The following APC variants were observed in gnomAD, a reference collection of about 807,000 sequenced individuals.
APC encodes the protein adenomatous polyposis coli protein.
Under a neutral mutation model 247.0 loss-of-function variants are expected in APC, and 72 were observed. The observed-to-expected ratio is 0.29, with a 90% confidence interval of 0.24 to 0.35. APC has a LOEUF of 0.35. Among genes scored for constraint, APC ranks in the 10% least tolerant of loss-of-function variants. APC has a pLI of 1.00. For missense variants in APC, 3,400 were observed against 3,360.7 expected (o/e 1.01, Z -0.29); for synonymous variants, 1,254 against 1,162.5 (o/e 1.08, Z -1.60).
intron 1 of APC, among the ~76,000 whole-genome samples, chr5:112,726,762 G>C (rs1184324789): frequency 6.6e-6 from 1 of 152,056 alleles, no homozygotes; most frequent in African/African-American, 2.4e-5. Context: ...AAACCTTTCT[G>C]CTTGTATAAA....
rs773952596 is a variant in APC at position 112,767,344 on chromosome 5, G to T, written c.376G>T (p.Gly126Ter). ...GSFPRRGFVN[G>*]SRESTGYLEE... ...ATTTCCAAGAAGAGGGTTTGTAAAT[G>T]GAAGCAGAGAAAGTACTGGATATTT... Residue 126 changes from glycine to a stop codon, truncating the protein, a stop_gained, in exon 4 of 16, where the codon GGA becomes TGA. Coordinates refer to ENST00000257430, the MANE Select transcript of APC (RefSeq NM_000038.6). LOFTEE classifies it high-confidence loss of function. 3.1e-6 allele frequency: 5 copies of T among 1,614,098 alleles called. No homozygotes were observed. The Admixed American group carries it at 8.3e-5, about 27-fold the overall frequency.
intron 6 of APC, among the ~76,000 whole-genome samples, chr5:112,789,668 A>C (rs993285536): frequency 2.6e-5 from 4 of 152,184 alleles, no homozygotes; most frequent in Admixed American, 6.5e-5. Flanking sequence ...GGAAACAATC[A>C]AATTTAGAAA....
intron 1 of APC, among the ~76,000 whole-genome samples, chr5:112,744,390 G>A (rs1283980376): frequency 6.6e-6 from 1 of 152,080 alleles, no homozygotes; most frequent in Non-Finnish European, 1.5e-5. Context: ...CTTTTATATG[G>A]CTGTCGCTGA....
chr5:112,842,239 G>T lies in APC; in HGVS notation c.6645G>T (p.Gln2215His), dbSNP rs951673309. The change falls in exon 16 of 16, where the codon CAG becomes CAT. Residue 2215 changes from glutamine (Q) to histidine (H), a missense_variant. Physicochemically the swap from Gln to His is conservative, Grantham distance 24 (BLOSUM62 0). Around this residue, in one of 9 missense-constraint regions of APC, gnomAD observed 1,788 missense variants for 1,649.5 expected, o/e 1.08. Coordinates refer to ENST00000257430, the MANE Select transcript of APC (RefSeq NM_000038.6). ...SNSEISGQMK[Q>H]PLQANMPSIS... Reference sequence around the variant, plus strand: ...CAGAAATTTCAGGCCAAATGAAACAGCCCCTTCAAGCAAACATGCCTTCAA... The same window carrying T: ...CAGAAATTTCAGGCCAAATGAAACATCCCCTTCAAGCAAACATGCCTTCAA... 2 of 1,613,956 alleles carry T rather than the reference G, an allele frequency of 1.2e-6. No homozygotes were observed. The highest frequency in any genetic ancestry group is 2.2e-5 in the South Asian group (2 of 91,078).
At chr5:112,827,330 CT>C (rs1469946627) in intron 12 of APC, 83 bp downstream of exon 12, 23 of 1,495,978 alleles carry the variant, frequency 1.5e-5, no homozygotes, top group African/African-American at 2.8e-5. Context: ...TACTGATTTT[CT>C]TTTTTTTCAC....
Position 112,839,013 on chromosome 5 carries a change from C to G in APC, c.3419C>G (p.Pro1140Arg), listed in dbSNP as rs1060503351. The G allele has an allele frequency of 6.8e-6, 11 of 1,613,820 alleles. No individual in the cohort carries two copies. Among genetic ancestry groups the G allele is most frequent in the South Asian group, 3.3e-5 (3 of 91,072 alleles). The change falls in exon 16 of 16, where the codon CCT becomes CGT. Residue 1140 changes from proline to arginine, a missense_variant. Pro to Arg is a moderately radical substitution (Grantham distance 103, BLOSUM62 -2). Transcript: ENST00000257430. The surrounding 1 kb of genome is among the most constrained non-coding windows in gnomAD (Gnocchi z 5.0). Reference sequence around the variant, plus strand: ...GAAGATGACTATGAAGATGATAAGCCTACCAATTATAGTGAACGTTACTCT... The same window carrying G: ...GAAGATGACTATGAAGATGATAAGCGTACCAATTATAGTGAACGTTACTCT... ...CQEDDYEDDK[P>R]TNYSERYSEE...
chr5:112,805,747 G>T (rs1224764600), intron 8 of APC, among the ~76,000 whole-genome samples: 1 of 152,174 alleles, frequency 6.6e-6, no homozygotes, highest in East Asian at 1.9e-4. Context: ...AGTTGAAAAT[G>T]AAAATCAGTC....
rs41296561 is a variant in APC, at chr5:112,801,663, A to G, written c.834+280A>G. Among the ~76,000 whole-genome samples, 554 of 152,060 alleles carry G rather than the reference A, an allele frequency of 3.6e-3. 2 individuals are homozygous for G. Among genetic ancestry groups the G allele is most frequent in the Non-Finnish European group, 4.0e-3 (269 of 67,958 alleles). ...GTTTTTTTTAATAACTCTAAGCTGC[A>G]TTTTGATTATGTATATGATTTGACC... On this transcript the variant is annotated intron_variant, in intron 8 of 15. Transcript: ENST00000257430.
intron 1 of APC, among the ~76,000 whole-genome samples, chr5:112,712,754 C>A (rs371949205): frequency 2.4e-4 from 36 of 152,290 alleles, no homozygotes; most frequent in African/African-American, 7.5e-4. Flanking sequence ...CTCTCAACAA[C>A]CCAGTCTTGA....
At chr5:112,827,308 A>G (rs1580566515) in intron 12 of APC, 61 bp downstream of exon 12, 12 of 1,576,362 alleles carry the variant, frequency 7.6e-6, no homozygotes, top group South Asian at 1.1e-5. Flanking sequence ...TTACTTTCAT[A>G]CAAATACATT....
upstream of APC, among the ~76,000 whole-genome samples, chr5:112,732,914 C>T (rs1743502823): frequency 1.3e-5 from 2 of 152,188 alleles, no homozygotes; most frequent in Non-Finnish European, 2.9e-5. Flanking sequence ...GTTTATAAAG[C>T]TTGTTCATAA....
At chr5:112,812,650 C>G (rs567123751) in intron 8 of APC, among the ~76,000 whole-genome samples, 1 of 152,200 alleles carries the variant, frequency 6.6e-6, no homozygotes, top group Non-Finnish European at 1.5e-5. Flanking sequence ...GGAACCAAGA[C>G]TGAATTGTGT....
At chr5:112,803,595 C>T (rs955291398) in intron 8 of APC, among the ~76,000 whole-genome samples, 1 of 152,080 alleles carries the variant, frequency 6.6e-6, no homozygotes, top group African/African-American at 2.4e-5. Flanking sequence ...TAACACAGTC[C>T]CTGGCATATT....
chr5:112,820,734 C>G (rs955667664), intron 10 of APC, among the ~76,000 whole-genome samples: 12 of 152,102 alleles, frequency 7.9e-5, no homozygotes, highest in Non-Finnish European at 1.3e-4. Context: ...GTTTTGAAAC[C>G]TCGTGCATAG....
intron 2 of APC, among the ~76,000 whole-genome samples, chr5:112,765,963 G>GTTAA (rs1206850164): frequency 1.3e-5 from 2 of 152,078 alleles, no homozygotes; most frequent in Admixed American, 6.6e-5. Context: ...TAAGAGACAT[G>GTTAA]GATTCTAAAC....
At chr5:112,810,088 A>G (rs1378424498) in intron 8 of APC, 1 of 455,544 alleles carries the variant, frequency 2.2e-6, no homozygotes, top group South Asian at 1.6e-5. Context: ...ACTGATACAG[A>G]CTATAAGTTT....
chr5:112,791,090 A>G (rs1222533243), intron 6 of APC, among the ~76,000 whole-genome samples: 2 of 152,178 alleles, frequency 1.3e-5, no homozygotes, highest in African/African-American at 4.8e-5. Context: ...GTCTTTATTC[A>G]TAAGTGAGTT....
At chr5:112,837,490 T>TTATTTG in intron 15 of APC, 63 bp from the exon 16 acceptor site, 1 of 1,243,566 alleles carries the variant, frequency 8.0e-7, no homozygotes, top group Non-Finnish European at 1.2e-6. Flanking sequence ...TTCTATCCTT[T>TTATTTG]TATTTGTTGT....
At chr5:112,789,554 G>A (rs1196698795) in intron 6 of APC, among the ~76,000 whole-genome samples, 1 of 152,106 alleles carries the variant, frequency 6.6e-6, no homozygotes, top group Non-Finnish European at 1.5e-5. Flanking sequence ...AGGAGTGGGA[G>A]ATATAATTTC....
Sources: allele counts gnomAD v4.1 joint callset (sites outside exome capture counted in the v4.1 genomes callset), GRCh38; gene constraint gnomAD v4.1.1; regional missense constraint gnomAD v4.1.1; non-coding constraint Gnocchi (gnomAD v3.1); transcripts MANE v1.5; gene names NCBI Gene and HGNC (gene_info 2026-07-23, HGNC 2026-07-21).